The following RTEL1 variants were observed in gnomAD, a reference collection of about 807,000 sequenced individuals.
RTEL1 encodes regulator of telomere length.
In RTEL1, 86 loss-of-function variants were observed where a neutral mutation model predicts 162.2. The observed-to-expected ratio is 0.53, with a 90% confidence interval of 0.45 to 0.63. The LOEUF (loss-of-function observed/expected upper bound fraction) is 0.63. RTEL1 is among the 30% of genes least tolerant of loss of function. RTEL1 has a pLI of 0.00. For synonymous variants in RTEL1, 958 were observed against 717.9 expected, an observed-to-expected ratio of 1.33 and a Z score of -5.35; for missense variants, 1,941 against 1,750.2, an observed-to-expected ratio of 1.11 and a Z score of -1.95.
intron 26 of RTEL1, 59 bp downstream of exon 26, chr20:63,690,500 C>A (rs545397843): frequency 1.1e-5 from 7 of 639,110 alleles, no homozygotes; most frequent in African/African-American, 3.8e-5. Flanking sequence ...CGGCGTGGGG[C>A]GGGCAGCACC....
intron 10 of RTEL1, among the ~76,000 whole-genome samples, chr20:63,677,725 TTC>T (rs2090385627): frequency 6.6e-6 from 1 of 151,534 alleles, no homozygotes; most frequent in Non-Finnish European, 1.5e-5. Context: ...CCTGCACGGA[TTC>T]TGTGTGGCCT....
In RTEL1 at chr20:63,668,400, TG is replaced by T. The variant is rs1254663787; in HGVS notation, c.699+849del. On this transcript the variant is annotated intron_variant, in intron 8 of 34. Transcript: ENST00000360203. This position sits in a 1 kb window ranked among gnomAD's most constrained non-coding sequence, Gnocchi z 4.3. ...CATAGCAAGACTGGCTTCACTCACA[TG>T]GAGCTTTGATTCTAGTGGTGGGGAC... Among the ~76,000 whole-genome samples the T allele has an allele frequency of 6.6e-6, 1 of 152,146 alleles. No homozygotes were observed. Among genetic ancestry groups the T allele is most frequent in the East Asian group, 1.9e-4 (1 of 5,194 alleles).
At chr20:63,667,141 G>A (rs369042070) in intron 7 of RTEL1, among the ~76,000 whole-genome samples, 1 of 152,100 alleles carries the variant, frequency 6.6e-6, no homozygotes, top group Non-Finnish European at 1.5e-5. Context: ...GCCCGGCCCA[G>A]CTCTGCTTTT....
At chr20:63,670,688 A>G (rs2090221413) in intron 8 of RTEL1, among the ~76,000 whole-genome samples, 1 of 152,208 alleles carries the variant, frequency 6.6e-6, no homozygotes, top group African/African-American at 2.4e-5. Flanking sequence ...AGACGTGTTC[A>G]AAGATTCATA....
rs756533094 is a variant in RTEL1, at chr20:63,693,128, C to T, written c.2852-15C>T. On this transcript the variant is annotated splice_polypyrimidine_tract_variant and intron_variant, in intron 29 of 34. Transcript: ENST00000360203. ...AAAAAGGGGCAGATGGGGACAGACG[C>T]CCCTTCCTCTACAGGCTTCTACCAG... 3.2e-5 allele frequency: 51 copies of T among 1,612,112 alleles called. No homozygotes were observed. The highest frequency in any genetic ancestry group is 1.6e-4 in the Middle Eastern group (1 of 6,078).
At chr20:63,682,614 G>A in intron 14 of RTEL1, 1 of 985,966 alleles carries the variant, frequency 1.0e-6, no homozygotes. Context: ...GAGGATGAGG[G>A]ACTGCACACA....
At chr20:63,672,819 A>G (rs2146194159) in intron 9 of RTEL1, among the ~76,000 whole-genome samples, 198 bp downstream of exon 9, 1 of 152,304 alleles carries the variant, frequency 6.6e-6, no homozygotes, top group East Asian at 1.9e-4. Context: ...GAGACTGGCC[A>G]GCTGGGCCAG....
In RTEL1 at chr20:63,692,834, C is replaced by A; in HGVS notation, c.2682C>A (p.Asp894Glu). 1 of 1,612,442 alleles carries A rather than the reference C, an allele frequency of 6.2e-7. No homozygotes were observed. Among genetic ancestry groups the A allele is most frequent in the Non-Finnish European group, 8.5e-7 (1 of 1,179,744 alleles). The change falls in exon 29 of 35, where the codon GAC (aspartate) becomes GAA (glutamate). Residue 894 changes from aspartate to glutamate, a missense_variant. Coordinates refer to ENST00000360203, the MANE Select transcript of RTEL1 (RefSeq NM_001283009.2). ...AGCCCGTGGCTGGTGCACAGACGGA[C>A]AGGGCCAAGCTCTTCATGGTGGCCG... Reference protein sequence around the residue: ...PEEPVAGAQTDRAKLFMVAVK... With the variant: ...PEEPVAGAQTERAKLFMVAVK...
intron 13 of RTEL1, 47 bp downstream of exon 13, chr20:63,679,993 G>A (rs2090449039): frequency 1.5e-6 from 2 of 1,361,336 alleles, no homozygotes; most frequent in Admixed American, 3.7e-5. Context: ...GTGGCGTAGG[G>A]GGTGCAGCAG....
chr20:63,684,618 C>T (rs1024367402), intron 14 of RTEL1, among the ~76,000 whole-genome samples: 1 of 152,168 alleles, frequency 6.6e-6, no homozygotes, highest in African/African-American at 2.4e-5. Context: ...GCTGGGATTA[C>T]AGGCATGAGC....
intron 26 of RTEL1, 54 bp downstream of exon 26, chr20:63,690,495 T>TGGGGGGGGGTG: frequency 5.0e-6 from 3 of 594,920 alleles, no homozygotes; most frequent in Non-Finnish European, 5.4e-6. Flanking sequence ...GCGGGCGGCG[T>TGGGGGGGGGTG]GGGGCGGGCA....
In RTEL1 at chr20:63,691,749, G is replaced by A. The variant is rs776955726; in HGVS notation, c.2564G>A (p.Ser855Asn). The A allele has an allele frequency of 6.2e-7, 1 of 1,612,436 alleles. No individual in the cohort carries two copies. Among genetic ancestry groups the A allele is most frequent in the African/African-American group, 1.3e-5 (1 of 75,026 alleles). ...GAGCTGTGTCCTCCTCAGGCCCACAGCTGCTCCACCCTGTCCCTCCTGTCT... is the reference window on the plus strand; with the variant it reads ...GAGCTGTGTCCTCCTCAGGCCCACAACTGCTCCACCCTGTCCCTCCTGTCT... ...AGSPGEEQAH[S>N]CSTLSLLSEK... Residue 855 changes from serine to asparagine, a missense_variant, in exon 28 of 35, where the codon AGC becomes AAC. Coordinates refer to ENST00000360203, the MANE Select transcript of RTEL1 (RefSeq NM_001283009.2).
chr20:63,693,369 C>T (rs940497539), intron 30 of RTEL1, 86 bp downstream of exon 30: 58 of 1,533,910 alleles, frequency 3.8e-5, no homozygotes, highest in Non-Finnish European at 4.9e-5. Flanking sequence ...GGTGGGCATC[C>T]TCGGGCCCTG....
chr20:63,676,074 C>T (rs1467078625), intron 10 of RTEL1, among the ~76,000 whole-genome samples: 1 of 151,940 alleles, frequency 6.6e-6, no homozygotes, highest in East Asian at 1.9e-4. Flanking sequence ...CTATCTGTTC[C>T]CCCACCCCTT....
At chr20:63,665,977 G>C (rs1198331259) in intron 6 of RTEL1, 27 bp from the exon 7 acceptor site, 1 of 1,610,910 alleles carries the variant, frequency 6.2e-7, no homozygotes, top group Non-Finnish European at 8.5e-7. Context: ...CTGAGGGTGT[G>C]TGTTTACCCC....
intron 14 of RTEL1, chr20:63,681,024 G>A (rs1011496763): frequency 5.1e-6 from 5 of 985,400 alleles, no homozygotes; most frequent in East Asian, 2.3e-4. Flanking sequence ...GGCCAGGGGG[G>A]ACCCACTGCT....
chr20:63,674,064 C>G lies in RTEL1; in HGVS notation c.890C>G (p.Pro297Arg). 1 of 1,613,308 alleles carries G rather than the reference C, an allele frequency of 6.2e-7. No individual in the cohort carries two copies. Among genetic ancestry groups the G allele is most frequent in the Non-Finnish European group, 8.5e-7 (1 of 1,179,812 alleles). Residue 297 changes from proline (P) to arginine (R), a missense_variant, in exon 10 of 35, where the codon CCG (proline) becomes CGG (arginine). Transcript: ENST00000360203. ...TKAAQQGEPH[P>R]EFSADSPSPG... ...GCAGCGCAGCAGGGTGAGCCCCACC[C>G]GGAGTTCAGCGCGGACTCCCCCAGC...
chr20:63,695,884 C>T lies in RTEL1; in HGVS notation c.*26C>T. ...GTGCCCACGGAGGCCCCCAGCACACCCAACGTGGCTTGATCACCTGCCTGT... is the reference window on the plus strand; with the variant it reads ...GTGCCCACGGAGGCCCCCAGCACACTCAACGTGGCTTGATCACCTGCCTGT... On this transcript the variant is annotated 3_prime_UTR_variant, in exon 35 of 35. Transcript: ENST00000360203. 6.4e-7 allele frequency: 1 copy of T among 1,556,490 alleles called. No homozygotes were observed. Among genetic ancestry groups the T allele is most frequent in the Non-Finnish European group, 8.7e-7 (1 of 1,150,964 alleles).
chr20:63,667,108 G>A (rs998808060), intron 7 of RTEL1, among the ~76,000 whole-genome samples: 20 of 152,146 alleles, frequency 1.3e-4, no homozygotes, highest in African/African-American at 4.8e-4. Context: ...CAAAGTGCTG[G>A]GATTACAGGA....
Sources: gnomAD v4.1 joint callset for allele counts (sites outside exome capture counted in the v4.1 genomes callset) on GRCh38, gnomAD v4.1.1 for gene constraint, Gnocchi (gnomAD v3.1) non-coding constraint, MANE v1.5 for transcripts, NCBI Gene and HGNC (gene_info 2026-07-23, HGNC 2026-07-21) for gene names.